Variants in MAGI2 observed in about 807,000 individuals in gnomAD.
The protein encoded by MAGI2 is membrane-associated guanylate kinase, WW and PDZ domain-containing protein 2.
A neutral mutation model predicts 133.3 loss-of-function variants in MAGI2; 35 were observed. That is an observed-to-expected ratio of 0.26 (90% CI 0.20 to 0.35). MAGI2 has a LOEUF of 0.35. Among genes scored for constraint, MAGI2 ranks in the 10% least tolerant of loss-of-function variants. MAGI2 has a pLI of 1.00. For missense variants in MAGI2, 1,636 were observed against 1,863.4 expected, an observed-to-expected ratio of 0.88 and a Z score of 2.25; for synonymous variants, 729 against 710.6, an observed-to-expected ratio of 1.03 and a Z score of -0.41.
Position 78,456,614 on chromosome 7 carries a change from T to A in MAGI2, c.1045+33147A>T, listed in dbSNP as rs150165522. Reference sequence around the variant, plus strand: ...CTATGTGCTAGGACTAAAAGACTTGTGTAAATTTATTCCGGTATAATACAA... The same window carrying A: ...CTATGTGCTAGGACTAAAAGACTTGAGTAAATTTATTCCGGTATAATACAA... On this transcript the variant is annotated intron_variant, in intron 6 of 21. Coordinates refer to ENST00000354212, the MANE Select transcript of MAGI2 (RefSeq NM_012301.4). Among the ~76,000 whole-genome samples the A allele has an allele frequency of 4.2e-3, 642 of 152,298 alleles. 5 individuals carry two copies. The highest frequency in any genetic ancestry group is 0.014 in the African/African-American group (580 of 41,566).
At chr7:79,422,583 A>T (rs1847044444) in intron 1 of MAGI2, among the ~76,000 whole-genome samples, 1 of 152,068 alleles carries the variant, frequency 6.6e-6, no homozygotes, top group Non-Finnish European at 1.5e-5. Flanking sequence ...AATAAAATTC[A>T]GTCAGATTTA....
At chr7:78,028,761 A>G (rs549158017) in intron 21 of MAGI2, among the ~76,000 whole-genome samples, 348 of 150,030 alleles carry the variant, frequency 2.3e-3, no homozygotes, top group Admixed American at 4.0e-3. Flanking sequence ...AGGCAGGAGA[A>G]TCTCTTGAAC....
chr7:78,912,782 CATATATATATATCATTCAT>C (rs1371898911), intron 2 of MAGI2, among the ~76,000 whole-genome samples: 15 of 141,374 alleles, frequency 1.1e-4, no homozygotes, highest in South Asian at 2.2e-4. Flanking sequence ...ATATATCATT[CATATATATATATCATTCAT>C]ATATATATAT....
intron 9 of MAGI2, among the ~76,000 whole-genome samples, chr7:78,341,265 A>G (rs1194192291): frequency 6.6e-6 from 1 of 152,174 alleles, no homozygotes; most frequent in Non-Finnish European, 1.5e-5. Flanking sequence ...GATGTGAAGG[A>G]CCTCTTCAGG....
In MAGI2 at chr7:78,959,600, T is replaced by C. The variant is rs11980765; in HGVS notation, c.418+47490A>G. Among the ~76,000 whole-genome samples the C allele has an allele frequency of 2.0e-3, 311 of 152,278 alleles. 1 individual carries two copies. The highest frequency in any genetic ancestry group is 7.1e-3 in the African/African-American group (294 of 41,578). ...ATAACATCTCTTTCATGATGGTGAC[T>C]GTCTGATGTATAAATGTTTACTTAG... On this transcript the variant is annotated intron_variant, in intron 2 of 21. Transcript: ENST00000354212.
chr7:78,618,421 T>G (rs1181424030), intron 3 of MAGI2: 3 of 151,940 alleles, frequency 2.0e-5, no homozygotes, highest in Non-Finnish European at 4.4e-5. Context: ...TTATCCAATT[T>G]TTTTCCACTC....
At chr7:78,813,189 C>T (rs1043214275) in intron 2 of MAGI2, among the ~76,000 whole-genome samples, 1 of 152,168 alleles carries the variant, frequency 6.6e-6, no homozygotes, top group Admixed American at 6.5e-5. Flanking sequence ...GGAAGGAACA[C>T]TTTCATTCTT....
At chr7:79,024,102 A>ACCAAAACAG (rs1185181262) in intron 1 of MAGI2, among the ~76,000 whole-genome samples, 1 of 152,196 alleles carries the variant, frequency 6.6e-6, no homozygotes, top group African/African-American at 2.4e-5. Context: ...GGCTACATTC[A>ACCAAAACAG]CCAAAACAGC....
At chr7:78,811,393 G>A (rs73369413) in intron 2 of MAGI2, among the ~76,000 whole-genome samples, 5,093 of 151,834 alleles carry the variant, frequency 0.034, 210 homozygotes, top group African/African-American at 0.09. Flanking sequence ...CTTAAATTAT[G>A]TGATTGATGT....
At chr7:78,947,812 T>A (rs1250895452) in intron 2 of MAGI2, among the ~76,000 whole-genome samples, 1 of 152,056 alleles carries the variant, frequency 6.6e-6, no homozygotes, top group East Asian at 1.9e-4. Context: ...TGGTAACATT[T>A]GTTTGTTTGT....
At chr7:78,383,346 G>T (rs62461546) in intron 6 of MAGI2, among the ~76,000 whole-genome samples, 1 of 151,814 alleles carries the variant, frequency 6.6e-6, no homozygotes, top group African/African-American at 2.4e-5. Flanking sequence ...GTTTTTATAC[G>T]CATTTCTCTG....
intron 1 of MAGI2, among the ~76,000 whole-genome samples, chr7:79,115,507 T>C (rs1463614337): frequency 6.6e-6 from 1 of 152,188 alleles, no homozygotes; most frequent in Non-Finnish European, 1.5e-5. Context: ...TGTCACTAGT[T>C]TCATTATGCT....
intron 3 of MAGI2, among the ~76,000 whole-genome samples, chr7:78,620,750 A>T (rs1413336758): frequency 6.6e-6 from 1 of 151,984 alleles, no homozygotes; most frequent in African/African-American, 2.4e-5. Flanking sequence ...CAATATTACA[A>T]TTGGGCTTAT....
chr7:79,371,846 A>G (rs943601211), intron 1 of MAGI2, among the ~76,000 whole-genome samples: 2 of 152,120 alleles, frequency 1.3e-5, no homozygotes, highest in Non-Finnish European at 2.9e-5. Flanking sequence ...TTTAGCTCAT[A>G]TTCCCAGTGA....
At chr7:78,028,485 T>A (rs1809187661) in intron 21 of MAGI2, among the ~76,000 whole-genome samples, 1 of 152,204 alleles carries the variant, frequency 6.6e-6, no homozygotes, top group Non-Finnish European at 1.5e-5. Context: ...CTGAGAGCCT[T>A]CTATGTACTA....
chr7:78,838,219 C>T (rs1045331562), intron 2 of MAGI2, among the ~76,000 whole-genome samples: 1 of 152,018 alleles, frequency 6.6e-6, no homozygotes, highest in African/African-American at 2.4e-5. Context: ...TAGTCGCTGT[C>T]TTTGTAGATG....
chr7:78,985,777 A>G (rs911298915), intron 2 of MAGI2, among the ~76,000 whole-genome samples: 4 of 152,080 alleles, frequency 2.6e-5, no homozygotes, highest in African/African-American at 9.7e-5. Context: ...TTGTGACCCA[A>G]ATAAAATATT....
At chr7:78,810,720 TTTCTTATTAAAA>T (rs1310840167) in intron 2 of MAGI2, among the ~76,000 whole-genome samples, 1 of 152,112 alleles carries the variant, frequency 6.6e-6, no homozygotes, top group Non-Finnish European at 1.5e-5. Flanking sequence ...GTCCTGGCTT[TTTCTTATTAAAA>T]AACAAACTCA....
intron 1 of MAGI2, among the ~76,000 whole-genome samples, chr7:79,283,283 T>C (rs936914843): frequency 2.1e-4 from 32 of 152,218 alleles, no homozygotes; most frequent in Non-Finnish European, 2.1e-4. Context: ...GCATGAAACA[T>C]TGACATTTTT....
Sources: allele counts gnomAD v4.1 joint callset (sites outside exome capture counted in the v4.1 genomes callset), GRCh38; gene constraint gnomAD v4.1.1; transcripts MANE v1.5; gene names NCBI Gene and HGNC (gene_info 2026-07-23, HGNC 2026-07-21).